FBXW8: variants seen among roughly 807,000 people sequenced by gnomAD.
FBXW8 encodes F-box/WD repeat-containing protein 8.
FBXW8 carries 57 observed loss-of-function variants against 65.3 expected under a neutral mutation model. The ratio of observed to expected loss-of-function variants is 0.87; its 90% CI spans 0.71 to 1.09. The LOEUF (loss-of-function observed/expected upper bound fraction) is 1.09. Ranked by LOEUF, FBXW8 falls within the 50% of genes least tolerant of loss-of-function variation. The pLI is 0.00. For missense variants in FBXW8, 777 were observed against 814.8 expected, an observed-to-expected ratio of 0.95 and a Z score of 0.57; for synonymous variants, 308 against 330.2, an observed-to-expected ratio of 0.93 and a Z score of 0.73.
intron 6 of FBXW8, among the ~76,000 whole-genome samples, chr12:116,987,511 G>T (rs2135673723): frequency 6.6e-6 from 1 of 152,362 alleles, no homozygotes; most frequent in African/African-American, 2.4e-5. Flanking sequence ...GGGGTGGGTA[G>T]AAACATGCGT....
intron 5 of FBXW8, chr12:116,977,931 G>C (rs1885058002): frequency 6.6e-6 from 1 of 152,072 alleles, no homozygotes; most frequent in African/African-American, 2.4e-5. Flanking sequence ...CTTTGAATTT[G>C]AGAGCTACTA....
intron 5 of FBXW8, among the ~76,000 whole-genome samples, chr12:116,982,402 CTG>C (rs1302654294): frequency 6.6e-6 from 1 of 152,098 alleles, no homozygotes; most frequent in Admixed American, 6.5e-5. Flanking sequence ...GGGACTTTGC[CTG>C]TGATAAAGAA....
chr12:116,955,436 G>T (rs1289965518), intron 4 of FBXW8, among the ~76,000 whole-genome samples: 2 of 152,164 alleles, frequency 1.3e-5, no homozygotes, highest in Admixed American at 6.5e-5. Flanking sequence ...TCAGTCACCT[G>T]TCTTTCTCTC....
intron 2 of FBXW8, among the ~76,000 whole-genome samples, chr12:116,931,733 T>A (rs779047650): frequency 2.0e-5 from 3 of 152,142 alleles, no homozygotes; most frequent in Non-Finnish European, 4.4e-5. Flanking sequence ...ATAACTGAAT[T>A]TGTTTATTAG....
chr12:117,030,687 A>C lies in FBXW8; in HGVS notation c.*2515A>C, dbSNP rs1020136083. ...TCCCAAGTGTAGCCCCTCCCACCGC[A>C]GAGCCTGTTTCTAACGTACCTGCCA... On this transcript the variant is annotated 3_prime_UTR_variant, in exon 11 of 11. Coordinates refer to ENST00000652555, the MANE Select transcript of FBXW8 (RefSeq NM_153348.3). The C allele has an allele frequency of 6.6e-6, 1 of 152,164 alleles. No homozygotes were observed. Among genetic ancestry groups the C allele is most frequent in the Non-Finnish European group, 1.5e-5 (1 of 68,032 alleles). The allele number at this position is 152,164 out of a possible 1,614,324, so 9.4% of individuals were successfully genotyped here.
intron 5 of FBXW8, among the ~76,000 whole-genome samples, chr12:116,981,199 C>G (rs542077332): frequency 1.4e-4 from 22 of 152,332 alleles, no homozygotes; most frequent in African/African-American, 5.3e-4. Flanking sequence ...CATGATATAA[C>G]TGTAGTAACT....
rs560098376 is a variant in FBXW8, at chr12:117,017,559, C to T, written c.1368-6588C>T. Among the ~76,000 whole-genome samples, 6 of 152,120 alleles carry T rather than the reference C, an allele frequency of 3.9e-5. No individual in the cohort carries two copies. In the East Asian group the frequency reaches 5.8e-4, roughly 15 times the overall value. ...TTGTAGATAAAGCTATTGATTTTGG[C>T]ATATAAGGTTATATTTAAAATCCTC... On this transcript the variant is annotated intron_variant, in intron 8 of 10. Coordinates refer to ENST00000652555, the MANE Select transcript of FBXW8 (RefSeq NM_153348.3).
At chr12:117,006,610 C>T (rs1953680334) in intron 7 of FBXW8, among the ~76,000 whole-genome samples, 1 of 152,244 alleles carries the variant, frequency 6.6e-6, no homozygotes, top group Admixed American at 6.5e-5. Flanking sequence ...ACACCAGCTG[C>T]CAGGACATGG....
At chr12:116,919,137 G>A (rs1367799916) in intron 1 of FBXW8, among the ~76,000 whole-genome samples, 1 of 152,176 alleles carries the variant, frequency 6.6e-6, no homozygotes, top group Non-Finnish European at 1.5e-5. Flanking sequence ...AAGCAAAACC[G>A]CGGATAAGGG....
At chr12:116,993,615 A>C (rs1953306161) in intron 7 of FBXW8, among the ~76,000 whole-genome samples, 1 of 151,562 alleles carries the variant, frequency 6.6e-6, no homozygotes, top group African/African-American at 2.4e-5. Context: ...CTGCTGATTT[A>C]TTTGAGTTCG....
At chr12:116,935,756 A>G (rs914987126) in intron 2 of FBXW8, among the ~76,000 whole-genome samples, 5 of 152,222 alleles carry the variant, frequency 3.3e-5, no homozygotes, top group East Asian at 1.9e-4. Flanking sequence ...CTTTTCCACA[A>G]TTAAAAAGTT....
intron 2 of FBXW8, among the ~76,000 whole-genome samples, chr12:116,938,921 G>T (rs554102804): frequency 1.4e-4 from 21 of 152,284 alleles, no homozygotes; most frequent in African/African-American, 4.8e-4. Context: ...CCCCAGTCTG[G>T]GTGCATCCAT....
At position 117,030,072 on chromosome 12, in the gene FBXW8, C is replaced by CA. The variant is rs1180076328; in HGVS notation, c.*1901dup. 6.6e-6 allele frequency: 1 copy of CA among 152,216 alleles called. No individual in the cohort carries two copies. The highest frequency in any genetic ancestry group is 2.4e-5 in the African/African-American group (1 of 41,452). The allele number at this position is 152,216 out of a possible 1,614,324, so 9.4% of individuals were successfully genotyped here. A position where few individuals can be genotyped will look rare whatever the true frequency, so the allele number is the denominator to read the frequency against. On this transcript the variant is annotated 3_prime_UTR_variant, in exon 11 of 11. Coordinates refer to ENST00000652555, the MANE Select transcript of FBXW8 (RefSeq NM_153348.3). ...CATTCCAGAGAAAACCGAGTCCTCT[C>CA]AGTTGCACACGTGTACGTATCAGTG...
At chr12:116,993,888 C>T (rs1953311584) in intron 7 of FBXW8, among the ~76,000 whole-genome samples, 1 of 152,110 alleles carries the variant, frequency 6.6e-6, no homozygotes, top group African/African-American at 2.4e-5. Flanking sequence ...AGATTTAAGT[C>T]TTGGTTAATT....
chr12:116,963,743 C>T (rs1426847425), intron 4 of FBXW8, among the ~76,000 whole-genome samples: 1 of 152,218 alleles, frequency 6.6e-6, no homozygotes, highest in Non-Finnish European at 1.5e-5. Context: ...AGAAACCCTG[C>T]AGGAACTATG....
At chr12:116,911,460 G>A (rs1162459189) in intron 1 of FBXW8, 105 bp downstream of exon 1, 19 of 764,126 alleles carry the variant, frequency 2.5e-5, no homozygotes, top group Admixed American at 4.5e-5. Context: ...CTAGTTGCCC[G>A]AGAAAATGAG....
At chr12:116,951,923 A>T (rs772111792) in intron 4 of FBXW8, among the ~76,000 whole-genome samples, 42 of 152,196 alleles carry the variant, frequency 2.8e-4, no homozygotes, top group Non-Finnish European at 5.4e-4. Flanking sequence ...CAGTGGGGAA[A>T]CATTCTTTCC....
At chr12:116,963,135 C>T (rs1884086779) in intron 4 of FBXW8, among the ~76,000 whole-genome samples, 1 of 152,216 alleles carries the variant, frequency 6.6e-6, no homozygotes, top group South Asian at 2.1e-4. Flanking sequence ...CTTTATCCCA[C>T]ATGCGCACTC....
At chr12:116,957,378 G>A (rs1018471366) in intron 4 of FBXW8, among the ~76,000 whole-genome samples, 3 of 152,078 alleles carry the variant, frequency 2.0e-5, no homozygotes, top group Non-Finnish European at 4.4e-5. Context: ...CCTTTTTATC[G>A]ACTGTATACC....
Sources: allele counts gnomAD v4.1 joint callset (sites outside exome capture counted in the v4.1 genomes callset), GRCh38; gene constraint gnomAD v4.1.1; transcripts MANE v1.5; gene names NCBI Gene and HGNC (gene_info 2026-07-23, HGNC 2026-07-21).